Variants in CABLES1 observed in about 807,000 individuals in gnomAD.
CABLES1 encodes the protein CDK5 and ABL1 enzyme substrate 1.
Under a neutral mutation model 57.8 loss-of-function variants are expected in CABLES1, and 36 were observed. That is an observed-to-expected ratio of 0.62 (90% CI 0.48 to 0.82). The LOEUF is 0.82. Among genes scored for constraint, CABLES1 ranks in the 40% least tolerant of loss-of-function variants. CABLES1 has a pLI of 0.00. For synonymous variants in CABLES1, 374 were observed against 363.0 expected (o/e 1.03, Z -0.35); for missense variants, 767 against 836.6 (o/e 0.92, Z 1.03).
chr18:23,210,069 A>G (rs1326884224), intron 3 of CABLES1, among the ~76,000 whole-genome samples: 1 of 152,250 alleles, frequency 6.6e-6, no homozygotes, highest in Non-Finnish European at 1.5e-5. Context: ...CCGAGCACTC[A>G]TGAGGATCCC....
intron 3 of CABLES1, among the ~76,000 whole-genome samples, chr18:23,196,490 G>T (rs527256715): frequency 6.6e-6 from 1 of 152,194 alleles, no homozygotes; most frequent in African/African-American, 2.4e-5. Context: ...AAGAAAATAC[G>T]ATTTCTGAGG....
intron 4 of CABLES1, among the ~76,000 whole-genome samples, chr18:23,218,697 C>T (rs1052700524): frequency 1.3e-5 from 2 of 152,370 alleles, no homozygotes; most frequent in Non-Finnish European, 2.9e-5. Context: ...CCCACCATGG[C>T]CTCCACATTT....
intron 1 of CABLES1, among the ~76,000 whole-genome samples, chr18:23,174,618 C>G (rs1472028514): frequency 3.3e-5 from 5 of 151,504 alleles, no homozygotes; most frequent in Non-Finnish European, 7.4e-5. Flanking sequence ...ACTACAGGCA[C>G]CCACCACCAC....
chr18:23,137,012 G>A (rs2046827605), intron 1 of CABLES1, among the ~76,000 whole-genome samples: 1 of 152,246 alleles, frequency 6.6e-6, no homozygotes, highest in South Asian at 2.1e-4. Context: ...AGTGCAGGCC[G>A]GCAGCTGAGC....
At chr18:23,226,752 A>C (rs1421946560) in intron 4 of CABLES1, among the ~76,000 whole-genome samples, 1 of 152,226 alleles carries the variant, frequency 6.6e-6, no homozygotes, top group African/African-American at 2.4e-5. Flanking sequence ...CCAGCCACCA[A>C]GTGCTCTTTA....
At chr18:23,254,506 C>T (rs1251437226) in intron 9 of CABLES1, among the ~76,000 whole-genome samples, 3 of 152,262 alleles carry the variant, frequency 2.0e-5, no homozygotes, top group African/African-American at 7.2e-5. Flanking sequence ...AAGACAGATC[C>T]ATTGAGAAGA....
chr18:23,165,173 GCAGCTTCAAACTC>G (rs1174744066), intron 1 of CABLES1, among the ~76,000 whole-genome samples: 1 of 152,048 alleles, frequency 6.6e-6, no homozygotes. Context: ...ATAGCTCATT[GCAGCTTCAAACTC>G]CTGGACTCCA....
intron 4 of CABLES1, among the ~76,000 whole-genome samples, chr18:23,227,677 A>T (rs1215047285): frequency 6.6e-6 from 1 of 152,108 alleles, no homozygotes; most frequent in African/African-American, 2.4e-5. Flanking sequence ...AGGGCAACAA[A>T]CGGGACTCTT....
At chr18:23,219,124 C>A (rs1031402682) in intron 4 of CABLES1, 4 of 452,302 alleles carry the variant, frequency 8.8e-6, no homozygotes, top group Middle Eastern at 6.9e-4. Context: ...CAGCAGAATT[C>A]ACTCACCTGC....
At chr18:23,216,897 A>C (rs1247534616) in intron 4 of CABLES1, among the ~76,000 whole-genome samples, 1 of 152,114 alleles carries the variant, frequency 6.6e-6, no homozygotes, top group Non-Finnish European at 1.5e-5. Flanking sequence ...TGTTGCAGAA[A>C]GGGCCACTGC....
intron 5 of CABLES1, among the ~76,000 whole-genome samples, chr18:23,235,672 C>T (rs2145083444): frequency 6.6e-6 from 1 of 152,314 alleles, no homozygotes; most frequent in Admixed American, 6.5e-5. Context: ...TAGTCAGACC[C>T]AGTGGGATAA....
intron 1 of CABLES1, among the ~76,000 whole-genome samples, chr18:23,160,610 C>T (rs941597227): frequency 1.3e-5 from 2 of 152,172 alleles, no homozygotes; most frequent in African/African-American, 4.8e-5. Context: ...GTCATTCTCC[C>T]CTAAACTGTT....
chr18:23,257,411 G>T lies in CABLES1; in HGVS notation c.*44G>T. 2.6e-6 allele frequency: 4 copies of T among 1,542,710 alleles called. No individual in the cohort carries two copies. The highest frequency in any genetic ancestry group is 3.5e-6 in the Non-Finnish European group (4 of 1,150,300). ...CCAAGGGCCATTTCTTCTCAGCTTGGTGGAGCAGCACTTACTTACTACTGG... is the reference window on the plus strand; with the variant it reads ...CCAAGGGCCATTTCTTCTCAGCTTGTTGGAGCAGCACTTACTTACTACTGG... On this transcript the variant is annotated 3_prime_UTR_variant, in exon 10 of 10. Transcript: ENST00000256925.
chr18:23,231,365 T>A (rs1259692471), intron 4 of CABLES1, among the ~76,000 whole-genome samples: 1 of 152,196 alleles, frequency 6.6e-6, no homozygotes, highest in Non-Finnish European at 1.5e-5. Context: ...GTAACCATCG[T>A]ATGGAACACG....
intron 4 of CABLES1, among the ~76,000 whole-genome samples, chr18:23,232,100 T>C (rs2047571118): frequency 6.6e-6 from 1 of 152,184 alleles, no homozygotes. Context: ...GATATGAAAA[T>C]GGACTGAGAC....
chr18:23,194,950 T>C (rs1433253827), intron 3 of CABLES1, among the ~76,000 whole-genome samples: 1 of 152,176 alleles, frequency 6.6e-6, no homozygotes, highest in Non-Finnish European at 1.5e-5. Context: ...GCGCCTGAAC[T>C]TAGTTTGGGT....
chr18:23,234,467 G>T lies in CABLES1; in HGVS notation c.1089-141G>T, dbSNP rs1034342361. On this transcript the variant is annotated intron_variant, in intron 4 of 9. Coordinates refer to ENST00000256925, the MANE Select transcript of CABLES1 (RefSeq NM_001100619.3). ...GGCATCACTGGCAAGCGCCCGAAGA[G>T]GGACAACGGGCTGTCCCATCACCAG... 3 of 656,146 alleles carry T rather than the reference G, an allele frequency of 4.6e-6. No individual in the cohort carries two copies. The East Asian group carries it at 8.2e-5, about 18-fold the overall frequency. The allele number at this position is 656,146 out of a possible 1,614,324, so 40.6% of individuals were successfully genotyped here.
chr18:23,208,131 C>T (rs2047377617), intron 3 of CABLES1, among the ~76,000 whole-genome samples: 1 of 152,210 alleles, frequency 6.6e-6, no homozygotes, highest in Non-Finnish European at 1.5e-5. Flanking sequence ...CTAGTGCCTT[C>T]TTGTCCACGG....
chr18:23,148,738 G>A (rs1003917886), intron 1 of CABLES1, among the ~76,000 whole-genome samples: 1 of 152,202 alleles, frequency 6.6e-6, no homozygotes, highest in Non-Finnish European at 1.5e-5. Context: ...GTGACCTCAC[G>A]GTGGGTGCAC....
Sources: allele counts gnomAD v4.1 joint callset (sites outside exome capture counted in the v4.1 genomes callset), GRCh38; gene constraint gnomAD v4.1.1; transcripts MANE v1.5; gene names NCBI Gene and HGNC (gene_info 2026-07-23, HGNC 2026-07-21).